The following SNX31 variants were observed in gnomAD, a reference collection of about 807,000 sequenced individuals.
SNX31 encodes the protein sorting nexin 31.
SNX31 carries 58 observed loss-of-function variants against 65.4 expected under a neutral mutation model. The observed-to-expected ratio is 0.89, with a 90% CI of 0.72 to 1.10. The LOEUF is 1.10. Ranked by LOEUF, SNX31 falls within the 50% of genes least tolerant of loss-of-function variation. SNX31 has a pLI of 0.00. For missense variants in SNX31, 523 were observed against 529.7 expected (o/e 0.99, Z 0.12); for synonymous variants, 181 against 190.1 (o/e 0.95, Z 0.39).
At chr8:100,611,881 C>A in intron 7 of SNX31, 119 bp downstream of exon 7, 1 of 760,390 alleles carries the variant, frequency 1.3e-6, no homozygotes, top group South Asian at 1.7e-5. Flanking sequence ...AGAGCCTTCT[C>A]TAAGTTCTTG....
upstream of SNX31, among the ~76,000 whole-genome samples, chr8:100,652,533 G>T (rs371594755): frequency 2.0e-5 from 3 of 152,254 alleles, no homozygotes; most frequent in East Asian, 3.9e-4. Flanking sequence ...CTTATTTACA[G>T]ATTTTAAAAA....
chr8:100,649,566 G>A lies in SNX31; in HGVS notation c.-52C>T. The stretch of plus-strand genomic sequence containing the variant: ...CTGGGAACCCGACCTGCGGCGGCGG[G>A]CGGTGCGCGGCTCTGAACTCGGCAG... On this transcript the variant is annotated 5_prime_UTR_variant, in exon 1 of 14. Coordinates refer to ENST00000311812, the MANE Select transcript of SNX31 (RefSeq NM_152628.4). 6.6e-7 allele frequency: 1 copy of A among 1,516,832 alleles called. No individual in the cohort carries two copies. The highest frequency in any genetic ancestry group is 8.9e-7 in the Non-Finnish European group (1 of 1,119,148). 94.0% of individuals were successfully genotyped at this position (1,516,832 alleles called of 1,614,324 possible). A position where few individuals can be genotyped will look rare whatever the true frequency, so the allele number is the denominator to read the frequency against.
rs1158090546 is a variant in SNX31, at chr8:100,573,028, T to C, written c.*837A>G. The C allele has an allele frequency of 6.6e-6, 1 of 152,510 alleles. No homozygotes were observed. Among genetic ancestry groups the C allele is most frequent in the Non-Finnish European group, 1.5e-5 (1 of 68,024 alleles). The allele number at this position is 152,510 out of a possible 1,614,324, so 9.4% of individuals were successfully genotyped here. On this transcript the variant is annotated 3_prime_UTR_variant, in exon 14 of 14. Coordinates refer to ENST00000311812, the MANE Select transcript of SNX31 (RefSeq NM_152628.4). ...ATTGTGGTCTTAATTCTATACATAA[T>C]TACATTAATTACCATGAGAGAAATG... is the stretch of plus-strand genomic sequence containing the variant.
chr8:100,577,746 A>G (rs1376706839), intron 12 of SNX31, among the ~76,000 whole-genome samples: 1 of 152,186 alleles, frequency 6.6e-6, no homozygotes, highest in Non-Finnish European at 1.5e-5. Context: ...CTGGAACCAG[A>G]GAGTAGCTGT....
At chr8:100,635,813 T>C (rs1818729065) in intron 3 of SNX31, 84 bp downstream of exon 3, 7 of 845,412 alleles carry the variant, frequency 8.3e-6, no homozygotes, top group Non-Finnish European at 1.4e-5. Context: ...TGTAAAAGAA[T>C]TGTACACTTT....
chr8:100,642,346 C>CGTAAATGT (rs146768503), intron 2 of SNX31, among the ~76,000 whole-genome samples: 1 of 152,126 alleles, frequency 6.6e-6, no homozygotes, highest in Non-Finnish European at 1.5e-5. Flanking sequence ...GGCATGTGTT[C>CGTAAATGT]GTAAATGTCG....
chr8:100,640,079 G>A (rs952171665), intron 2 of SNX31, among the ~76,000 whole-genome samples: 2 of 152,068 alleles, frequency 1.3e-5, no homozygotes, highest in Non-Finnish European at 2.9e-5. Context: ...AAATAGGAGC[G>A]ACTAGACAAA....
In SNX31 at chr8:100,573,743, G is replaced by T. The variant is rs555711742; in HGVS notation, c.*122C>A. 8.2e-5 allele frequency: 48 copies of T among 583,074 alleles called. No homozygotes were observed. The highest frequency in any genetic ancestry group is 8.2e-4 in the African/African-American group (43 of 52,330). 36.1% of individuals were successfully genotyped at this position (583,074 alleles called of 1,614,324 possible). A position where few individuals can be genotyped will look rare whatever the true frequency, so the allele number is the denominator to read the frequency against. On this transcript the variant is annotated 3_prime_UTR_variant, in exon 14 of 14. Coordinates refer to ENST00000311812, the MANE Select transcript of SNX31 (RefSeq NM_152628.4). ...CTTGATGAATACAGTCCATGTTAAT[G>T]CCAAAAAAATGGGAAGAGGTCAAAT...
chr8:100,622,997 C>T lies in SNX31; in HGVS notation c.322-5267G>A, dbSNP rs575890573. Among the ~76,000 whole-genome samples, 1 of 152,290 alleles carries T rather than the reference C, an allele frequency of 6.6e-6. No homozygotes were observed. The highest frequency in any genetic ancestry group is 1.9e-4 in the East Asian group (1 of 5,186). On this transcript the variant is annotated intron_variant, in intron 4 of 13. Transcript: ENST00000311812. This position sits in a 1 kb window ranked among gnomAD's most constrained non-coding sequence, Gnocchi z 5.0. ...ACCTTCCTTCCACCTTCTATCACAC[C>T]CTACTGGTTTGTATTTCTCTGTTTT... is the stretch of plus-strand genomic sequence containing the variant.
At chr8:100,574,018 A>C in intron 13 of SNX31, 58 bp from the exon 14 acceptor site, 1 of 1,042,640 alleles carries the variant, frequency 9.6e-7, no homozygotes, top group East Asian at 2.5e-5. Context: ...TTCCATAACA[A>C]TAACAAAGTC....
chr8:100,604,502 G>A lies in SNX31; in HGVS notation c.681+3992C>T, dbSNP rs1052512887. Among the ~76,000 whole-genome samples the A allele has an allele frequency of 2.6e-5, 4 of 152,184 alleles. No homozygotes were observed. Among genetic ancestry groups the A allele is most frequent in the Admixed American group, 2.6e-4 (4 of 15,286 alleles). On this transcript the variant is annotated intron_variant, in intron 8 of 13. Coordinates refer to ENST00000311812, the MANE Select transcript of SNX31 (RefSeq NM_152628.4). This position sits in a 1 kb window ranked among gnomAD's most constrained non-coding sequence, Gnocchi z 4.3. ...GGTCACCAGGCCATAGGGGAGTCAG[G>A]AAGCCAAAGGTCAGCCCCCCTCCAC...
intron 11 of SNX31, among the ~76,000 whole-genome samples, chr8:100,584,602 A>G (rs1313562791): frequency 6.6e-6 from 1 of 152,082 alleles, no homozygotes; most frequent in Non-Finnish European, 1.5e-5. Flanking sequence ...GACATTGTAT[A>G]CATAATTATT....
Position 100,630,387 on chromosome 8 carries a change from G to A in SNX31, c.261C>T (p.Thr87=), listed in dbSNP as rs771979643. 4 of 1,612,336 alleles carry A rather than the reference G, an allele frequency of 2.5e-6. No homozygotes were observed. The highest frequency in any genetic ancestry group is 3.4e-6 in the Non-Finnish European group (4 of 1,179,498). ...DQLEQYLQNV[T]MDPNVLRSDV... is the part of the protein sequence containing the mutation. ...CACTTCTCAACACGTTTGGGTCCAT[G>A]GTTACTGAAAAACATGGACGGTGAG... Residue 87 remains threonine, a synonymous_variant, in exon 4 of 14, where the codon ACC becomes ACT. Coordinates refer to ENST00000311812, the MANE Select transcript of SNX31 (RefSeq NM_152628.4). This position sits in a 1 kb window ranked among gnomAD's most constrained non-coding sequence, Gnocchi z 5.3.
intron 10 of SNX31, among the ~76,000 whole-genome samples, chr8:100,591,359 G>A (rs1470675480): frequency 6.6e-6 from 1 of 152,134 alleles, no homozygotes; most frequent in East Asian, 1.9e-4. Flanking sequence ...AAGGCGGGCA[G>A]GCGCCTGTAG....
At chr8:100,587,378 C>T (rs1237294800) in intron 11 of SNX31, among the ~76,000 whole-genome samples, 1 of 152,180 alleles carries the variant, frequency 6.6e-6, no homozygotes, top group Non-Finnish European at 1.5e-5. Context: ...ACCTGATCTC[C>T]TGTGACTAGT....
Position 100,608,482 on chromosome 8 carries a change from GGTGACC to G in SNX31, c.681+6_681+11del. 6.2e-7 allele frequency: 1 copy of G among 1,613,604 alleles called. No homozygotes were observed. Among genetic ancestry groups the G allele is most frequent in the Admixed American group, 1.7e-5 (1 of 59,996 alleles). ...GATCTACGGTGCTGTCTGAGCTCTTGGTGACCCTCACCTGCATGTAGAGCAAATCTA... is the reference window on the plus strand; with the variant it reads ...GATCTACGGTGCTGTCTGAGCTCTTGCTCACCTGCATGTAGAGCAAATCTA... On this transcript the variant is annotated splice_donor_region_variant and intron_variant, in intron 8 of 13. Transcript: ENST00000311812.
intron 3 of SNX31, among the ~76,000 whole-genome samples, chr8:100,634,955 C>T (rs918668274): frequency 2.1e-5 from 3 of 143,646 alleles, no homozygotes; most frequent in African/African-American, 8.4e-5. Context: ...CCCAGCTTCT[C>T]AGGAAGCTGT....
rs907729064 is a variant in SNX31 at position 100,594,458 on chromosome 8, A to G, written c.978+2181T>C. ...TCTCAACACTCAACAGTAAAAAGCC[A>G]AACAATCCAATTCAAAAATGGGTAA... On this transcript the variant is annotated intron_variant, in intron 10 of 13. Transcript: ENST00000311812. This position sits in a 1 kb window ranked among gnomAD's most constrained non-coding sequence, Gnocchi z 4.0. Among the ~76,000 whole-genome samples the G allele has an allele frequency of 3.3e-5, 5 of 152,246 alleles. No homozygotes were observed. Among genetic ancestry groups the G allele is most frequent in the African/African-American group, 1.2e-4 (5 of 41,458 alleles).
upstream of SNX31, among the ~76,000 whole-genome samples, chr8:100,651,712 G>A (rs1040998298): frequency 2.0e-5 from 3 of 152,212 alleles, no homozygotes; most frequent in East Asian, 1.9e-4. Context: ...GATTGGAGGC[G>A]CTGCTCTGAA....
Sources: allele counts gnomAD v4.1 joint callset (sites outside exome capture counted in the v4.1 genomes callset), GRCh38; gene constraint gnomAD v4.1.1; non-coding constraint Gnocchi (gnomAD v3.1); transcripts MANE v1.5; gene names NCBI Gene and HGNC (gene_info 2026-07-23, HGNC 2026-07-21).